UGGT2: variants seen among roughly 807,000 people sequenced by gnomAD.
UGGT2 encodes UDP-glucose:glycoprotein glucosyltransferase 2.
UGGT2 carries 180 observed loss-of-function variants against 192.1 expected under a neutral mutation model. The ratio of observed to expected loss-of-function variants is 0.94; its 90% CI spans 0.83 to 1.06. UGGT2 has a LOEUF of 1.06. Ranked by LOEUF, UGGT2 falls within the 50% of genes least tolerant of loss-of-function variation. The probability of loss-of-function intolerance (pLI) is 0.00; values close to 1 mark genes in which losing one functional copy is unlikely to be tolerated. For missense variants in UGGT2, 1,849 were observed against 1,795.7 expected, an observed-to-expected ratio of 1.03 and a Z score of -0.54; for synonymous variants, 580 against 591.0, an observed-to-expected ratio of 0.98 and a Z score of 0.27.
intron 20 of UGGT2, among the ~76,000 whole-genome samples, chr13:95,906,040 C>A (rs1288241925): frequency 6.6e-6 from 1 of 152,134 alleles, no homozygotes; most frequent in East Asian, 1.9e-4. Flanking sequence ...TGTGCTGATA[C>A]CAAACTGTTT....
intron 38 of UGGT2, among the ~76,000 whole-genome samples, chr13:95,822,449 T>A (rs1885603119): frequency 6.6e-6 from 1 of 152,062 alleles, no homozygotes; most frequent in Non-Finnish European, 1.5e-5. Flanking sequence ...TGGATAAGTC[T>A]TTAGGGTTTT....
At chr13:95,809,066 A>G (rs1594051000) in intron 38 of UGGT2, among the ~76,000 whole-genome samples, 1 of 152,202 alleles carries the variant, frequency 6.6e-6, no homozygotes, top group Non-Finnish European at 1.5e-5. Flanking sequence ...AAAGCCTCCT[A>G]TAATTCAATA....
chr13:95,860,711 A>C, intron 32 of UGGT2, 77 bp downstream of exon 32: 1 of 960,382 alleles, frequency 1.0e-6, no homozygotes. Context: ...CCCAGTGTAT[A>C]TTCCTTTATT....
chr13:95,901,131 A>C (rs923918840), intron 21 of UGGT2, among the ~76,000 whole-genome samples, 193 bp from the exon 22 acceptor site: 2 of 152,136 alleles, frequency 1.3e-5, no homozygotes, highest in Non-Finnish European at 2.9e-5. Flanking sequence ...ACATGCTTAA[A>C]TCTTGTTACA....
chr13:95,946,744 C>T (rs1464252117), intron 15 of UGGT2, among the ~76,000 whole-genome samples: 3 of 152,102 alleles, frequency 2.0e-5, no homozygotes, highest in Non-Finnish European at 4.4e-5. Flanking sequence ...AATATGTTTT[C>T]CTCTAAAGTT....
chr13:95,962,378 C>T (rs2050424163), intron 12 of UGGT2, among the ~76,000 whole-genome samples: 1 of 151,868 alleles, frequency 6.6e-6, no homozygotes, highest in African/African-American at 2.4e-5. Context: ...ACACTGATAT[C>T]ATATAAACAA....
Position 95,859,588 on chromosome 13 carries a change from T to G in UGGT2, c.3825+3A>C. On this transcript the variant is annotated splice_donor_region_variant and intron_variant, in intron 33 of 38. Transcript: ENST00000376747. ...CATTCTACAAAAAAAGCTATGTACT[T>G]ACTTTAAATGTCGGTGAGAGATAAT... 6.2e-7 allele frequency: 1 copy of G among 1,606,082 alleles called. No homozygotes were observed. The highest frequency in any genetic ancestry group is 8.5e-7 in the Non-Finnish European group (1 of 1,175,150).
chr13:95,820,308 ATTTCC>A (rs1403856343), intron 38 of UGGT2, among the ~76,000 whole-genome samples: 2 of 152,168 alleles, frequency 1.3e-5, no homozygotes, highest in African/African-American at 4.8e-5. Context: ...GAACAGATTA[ATTTCC>A]ACAGAAGAAG....
At chr13:95,904,456 C>A (rs962496102) in intron 20 of UGGT2, among the ~76,000 whole-genome samples, 1 of 135,620 alleles carries the variant, frequency 7.4e-6, no homozygotes, top group African/African-American at 2.8e-5. Context: ...CCCCCCCACC[C>A]CACAACAGTC....
At chr13:95,985,116 G>C in intron 9 of UGGT2, 1 of 372,946 alleles carries the variant, frequency 2.7e-6, no homozygotes. Context: ...AGCATCAATA[G>C]AGCTAATCAA....
chr13:95,974,084 T>C (rs2050861960), intron 10 of UGGT2, among the ~76,000 whole-genome samples: 1 of 152,156 alleles, frequency 6.6e-6, no homozygotes, highest in South Asian at 2.1e-4. Context: ...TTGACAATGG[T>C]GAATTTTTCT....
At chr13:95,995,875 C>T in intron 7 of UGGT2, 188 bp downstream of exon 7, 1 of 565,560 alleles carries the variant, frequency 1.8e-6, no homozygotes, top group Non-Finnish European at 3.1e-6. Context: ...ATGTGCTTTT[C>T]TGCTTTCTGT....
Position 95,949,356 on chromosome 13 carries a change from T to G in UGGT2, c.1434A>C (p.Ile478=), listed in dbSNP as rs1170722213. Reference sequence around the variant, plus strand: ...TCACCAAATTATGAAAATTGCGCCTTATGGAAGGTACACTTCCAGGAAATA... The same window carrying G: ...TCACCAAATTATGAAAATTGCGCCTGATGGAAGGTACACTTCCAGGAAATA... ...KPVFPGSVPS[I]RRNFHNLVLF... The change falls in exon 13 of 39, where the codon ATA becomes ATC. Residue 478 remains isoleucine, a synonymous_variant. Coordinates refer to ENST00000376747, the MANE Select transcript of UGGT2 (RefSeq NM_020121.4). The G allele has an allele frequency of 3.2e-6, 5 of 1,566,360 alleles. No individual in the cohort carries two copies. The highest frequency in any genetic ancestry group is 1.2e-5 in the South Asian group (1 of 81,690).
At chr13:95,968,504 T>A (rs564417454) in intron 12 of UGGT2, among the ~76,000 whole-genome samples, 2 of 152,128 alleles carry the variant, frequency 1.3e-5, no homozygotes, top group Non-Finnish European at 2.9e-5. Context: ...TGGGGGCAGA[T>A]CCCTCATGTC....
At chr13:96,016,788 G>C (rs958956756) in intron 4 of UGGT2, among the ~76,000 whole-genome samples, 3 of 152,170 alleles carry the variant, frequency 2.0e-5, no homozygotes, top group Admixed American at 6.5e-5. Flanking sequence ...GTGGAGGGGG[G>C]GCTGCAACCC....
intron 12 of UGGT2, among the ~76,000 whole-genome samples, chr13:95,969,776 C>T (rs1430248097): frequency 6.6e-6 from 1 of 152,212 alleles, no homozygotes; most frequent in Non-Finnish European, 1.5e-5. Flanking sequence ...GGACTTTCAT[C>T]ATGTTAAGGT....
chr13:95,811,482 A>C (rs1479114953), intron 38 of UGGT2, among the ~76,000 whole-genome samples: 2 of 152,188 alleles, frequency 1.3e-5, no homozygotes, highest in Non-Finnish European at 2.9e-5. Flanking sequence ...TTAGGGCGTG[A>C]GCTAAAGAGG....
intron 4 of UGGT2, among the ~76,000 whole-genome samples, chr13:96,020,690 T>C (rs553846684): frequency 6.6e-5 from 10 of 152,258 alleles, no homozygotes; most frequent in African/African-American, 1.7e-4. Flanking sequence ...AGGTGAGCAG[T>C]GGGAAGAAAT....
chr13:96,008,656 A>G (rs1169590064), intron 5 of UGGT2, among the ~76,000 whole-genome samples: 3 of 152,214 alleles, frequency 2.0e-5, no homozygotes, highest in Non-Finnish European at 1.5e-5. Flanking sequence ...AATACTAATG[A>G]CCACAACTAA....
Sources: gnomAD v4.1 joint callset for allele counts (sites outside exome capture counted in the v4.1 genomes callset) on GRCh38, gnomAD v4.1.1 for gene constraint, MANE v1.5 for transcripts, NCBI Gene and HGNC (gene_info 2026-07-23, HGNC 2026-07-21) for gene names.